The following WDFY2 variants were observed in gnomAD, a reference collection of about 807,000 sequenced individuals.
WDFY2 encodes WD repeat and FYVE domain-containing protein 2.
In WDFY2, 36 loss-of-function variants were observed where a neutral mutation model predicts 56.4. The observed-to-expected ratio is 0.64, with a 90% CI of 0.49 to 0.84. The LOEUF (loss-of-function observed/expected upper bound fraction) is 0.84. WDFY2 is among the 40% of genes least tolerant of loss of function. The probability of loss-of-function intolerance (pLI) is 0.00; values close to 1 mark genes in which losing one functional copy is unlikely to be tolerated. For synonymous variants in WDFY2, 176 were observed against 183.7 expected (o/e 0.96, Z 0.34); for missense variants, 444 against 512.2 (o/e 0.87, Z 1.29).
At position 51,766,952 on chromosome 13, in the gene WDFY2, G is replaced by A. The variant is rs569618783; in HGVS notation, c.*7183G>A. On this transcript the variant is annotated 3_prime_UTR_variant, in exon 12 of 12. Transcript: ENST00000298125. The stretch of plus-strand genomic sequence containing the variant: ...ATGCCAGGGAGAGCTGCTGTTTGGA[G>A]GTGAAGATGAGCCCTGTTCACCACA... 6.6e-6 allele frequency: 1 copy of A among 152,444 alleles called. No individual in the cohort carries two copies. The highest frequency in any genetic ancestry group is 2.1e-4 in the South Asian group (1 of 4,830). 9.4% of individuals were successfully genotyped at this position (152,444 alleles called of 1,614,324 possible).
chr13:51,600,389 A>G (rs970171530), intron 1 of WDFY2, among the ~76,000 whole-genome samples: 2 of 152,214 alleles, frequency 1.3e-5, no homozygotes, highest in Non-Finnish European at 2.9e-5. Context: ...ACTGGAGCAC[A>G]TGGACAACCA....
intron 7 of WDFY2, among the ~76,000 whole-genome samples, chr13:51,740,386 T>C (rs1952941387): frequency 6.6e-6 from 1 of 152,174 alleles, no homozygotes; most frequent in African/African-American, 2.4e-5. Context: ...CCAGGTCCTG[T>C]AGAAGGAGTT....
At chr13:51,600,628 T>G (rs1489875631) in intron 1 of WDFY2, among the ~76,000 whole-genome samples, 3 of 152,154 alleles carry the variant, frequency 2.0e-5, no homozygotes, top group Admixed American at 2.0e-4. Context: ...GGGTCAGCTG[T>G]TCACTCTGGA....
At chr13:51,628,178 G>A (rs1359906027) in intron 1 of WDFY2, among the ~76,000 whole-genome samples, 1 of 152,216 alleles carries the variant, frequency 6.6e-6, no homozygotes, top group Non-Finnish European at 1.5e-5. Flanking sequence ...GTGCTGAGAG[G>A]CACCTGCAGT....
intron 1 of WDFY2, chr13:51,589,404 G>A (rs1411100020): frequency 6.6e-6 from 1 of 151,826 alleles, no homozygotes; most frequent in Non-Finnish European, 1.5e-5. Flanking sequence ...GATTCGAAGT[G>A]GCCATGACTA....
At position 51,695,135 on chromosome 13, in the gene WDFY2, C is replaced by T. The variant is rs150698951; in HGVS notation, c.280-8461C>T. ...CTTTGCCTTTGGCTTGAATTTCCTC[C>T]TGTAGCTTGGAGTAGTTTGATCGTC... On this transcript the variant is annotated intron_variant, in intron 3 of 11. Coordinates refer to ENST00000298125, the MANE Select transcript of WDFY2 (RefSeq NM_052950.4). 5.6e-3 allele frequency among the ~76,000 whole-genome samples: 850 copies of T among 152,282 alleles called. 7 individuals carry two copies. The highest frequency in any genetic ancestry group is 0.019 in the African/African-American group (795 of 41,522).
At position 51,758,254 on chromosome 13, in the gene WDFY2, C is replaced by G. The variant is rs890733974; in HGVS notation, c.1127C>G (p.Ala376Gly). ...AACATTGTGCATGTGCATTTCGATG[C>G]AACCAGAGGATGGTTACTGACTTCT... is the stretch of plus-strand genomic sequence containing the variant. ...KHNIVHVHFD[A>G]TRGWLLTSGT... The change falls in exon 11 of 12, where the codon GCA becomes GGA. Residue 376 changes from alanine (A) to glycine (G), a missense_variant. By Grantham distance (60) the Ala-to-Gly change is moderately conservative. Transcript: ENST00000298125. 1.2e-6 allele frequency: 2 copies of G among 1,602,880 alleles called. No individual in the cohort carries two copies. The highest frequency in any genetic ancestry group is 1.3e-5 in the African/African-American group (1 of 74,894).
intron 2 of WDFY2, among the ~76,000 whole-genome samples, chr13:51,667,205 T>C (rs1413557165): frequency 1.3e-5 from 2 of 152,216 alleles, no homozygotes; most frequent in African/African-American, 4.8e-5. Context: ...CCCGGAGTTA[T>C]TAGGAAAAAT....
At chr13:51,668,833 C>T (rs1327998427) in intron 2 of WDFY2, among the ~76,000 whole-genome samples, 1 of 152,156 alleles carries the variant, frequency 6.6e-6, no homozygotes, top group Non-Finnish European at 1.5e-5. Flanking sequence ...TGATTGAAAT[C>T]CGCAGCTTAA....
chr13:51,725,437 C>T (rs1952582610), intron 5 of WDFY2, among the ~76,000 whole-genome samples: 1 of 152,056 alleles, frequency 6.6e-6, no homozygotes, highest in South Asian at 2.1e-4. Flanking sequence ...CCTGTAATCC[C>T]AGCATTTTGG....
chr13:51,732,413 C>T (rs1025038459), intron 6 of WDFY2, among the ~76,000 whole-genome samples: 15 of 152,286 alleles, frequency 9.8e-5, no homozygotes, highest in Non-Finnish European at 2.9e-5. Flanking sequence ...AGCCACCGTA[C>T]GTGGCCAAAA....
chr13:51,687,587 G>C (rs921304955), intron 3 of WDFY2, among the ~76,000 whole-genome samples: 2 of 150,800 alleles, frequency 1.3e-5, no homozygotes, highest in Non-Finnish European at 2.9e-5. Flanking sequence ...GTTTATAATA[G>C]TAGTACAACG....
chr13:51,730,810 G>A (rs531190776), intron 6 of WDFY2, among the ~76,000 whole-genome samples: 5 of 152,314 alleles, frequency 3.3e-5, no homozygotes, highest in African/African-American at 1.2e-4. Flanking sequence ...ATGTGTGAGA[G>A]CATGGCTCTC....
At chr13:51,667,755 A>G (rs1179166012) in intron 2 of WDFY2, among the ~76,000 whole-genome samples, 1 of 151,938 alleles carries the variant, frequency 6.6e-6, no homozygotes, top group Non-Finnish European at 1.5e-5. Context: ...TCTTTTTGGT[A>G]TAGGTTATAT....
At chr13:51,677,381 T>C (rs1418409581) in intron 3 of WDFY2, among the ~76,000 whole-genome samples, 1 of 152,196 alleles carries the variant, frequency 6.6e-6, no homozygotes, top group Non-Finnish European at 1.5e-5. Flanking sequence ...AAAGATACAT[T>C]GAGAGAACAG....
intron 6 of WDFY2, among the ~76,000 whole-genome samples, chr13:51,733,300 G>T (rs998043997): frequency 6.6e-6 from 1 of 152,220 alleles, no homozygotes; most frequent in Non-Finnish European, 1.5e-5. Context: ...GCCTCCCAAA[G>T]TGCTGGGATT....
intron 6 of WDFY2, among the ~76,000 whole-genome samples, chr13:51,738,828 T>G (rs1278083670): frequency 6.6e-6 from 1 of 152,236 alleles, no homozygotes; most frequent in Non-Finnish European, 1.5e-5. Context: ...TTACAGTAAT[T>G]GATTTTATGG....
intron 1 of WDFY2, among the ~76,000 whole-genome samples, chr13:51,613,078 G>A (rs549397635): frequency 6.6e-6 from 1 of 151,994 alleles, no homozygotes; most frequent in Non-Finnish European, 1.5e-5. Flanking sequence ...CATGCCTGTA[G>A]TCCCAGCTAC....
At chr13:51,585,873 G>A (rs768935884) in intron 1 of WDFY2, among the ~76,000 whole-genome samples, 3 of 152,140 alleles carry the variant, frequency 2.0e-5, no homozygotes, top group Non-Finnish European at 4.4e-5. Flanking sequence ...AGTCATTTCC[G>A]CACTTAGCAT....
Sources: allele counts gnomAD v4.1 joint callset (sites outside exome capture counted in the v4.1 genomes callset), GRCh38; gene constraint gnomAD v4.1.1; transcripts MANE v1.5; gene names NCBI Gene and HGNC (gene_info 2026-07-23, HGNC 2026-07-21).